The following EPHA8 variants were observed in gnomAD, a reference collection of about 807,000 sequenced individuals.
EPHA8 encodes the protein EPH receptor A8, also known as ephrin type-A receptor 8.
In EPHA8, 58 loss-of-function variants were observed where a neutral mutation model predicts 103.6. The ratio of observed to expected loss-of-function variants is 0.56; its 90% CI spans 0.45 to 0.70. The LOEUF is 0.70. Ranked by LOEUF, EPHA8 falls within the 30% of genes least tolerant of loss-of-function variation. The pLI is 0.00. For synonymous variants in EPHA8, 559 were observed against 572.5 expected, an observed-to-expected ratio of 0.98 and a Z score of 0.34; for missense variants, 1,304 against 1,395.2, an observed-to-expected ratio of 0.93 and a Z score of 1.04.
chr1:22,601,723 G>A lies in EPHA8; in HGVS notation c.3000G>A (p.Gly1000=). ...TMRAQLTSTQ[G]PRRHL ...GGGCCCAGCTGACCAGCACCCAGGG[G>A]CCCCGCCGGCACCTCTGATGTACAG... is the stretch of plus-strand genomic sequence containing the variant. Residue 1000 remains glycine, a synonymous_variant, in exon 17 of 17, where the codon GGG becomes GGA. Coordinates refer to ENST00000166244, the MANE Select transcript of EPHA8 (RefSeq NM_020526.5). 1 of 1,561,888 alleles carries A rather than the reference G, an allele frequency of 6.4e-7. No homozygotes were observed. Among genetic ancestry groups the A allele is most frequent in the Middle Eastern group, 1.7e-4 (1 of 5,744 alleles).
At chr1:22,593,770 T>G in intron 7 of EPHA8, 84 bp downstream of exon 7, 1 of 1,420,516 alleles carries the variant, frequency 7.0e-7, no homozygotes, top group Non-Finnish European at 9.3e-7. Flanking sequence ...AGAGAGCTAG[T>G]GCAGGCTGAG....
chr1:22,588,861 C>G lies in EPHA8; in HGVS notation c.980-10C>G. The G allele has an allele frequency of 1.3e-6, 2 of 1,570,334 alleles. No homozygotes were observed. The highest frequency in any genetic ancestry group is 1.2e-5 in the South Asian group (1 of 86,676). On this transcript the variant is annotated splice_polypyrimidine_tract_variant and intron_variant, in intron 4 of 16. Transcript: ENST00000166244. ...TAACCACTGCCCCATCTGTCATCCT[C>G]TGCCCTCAGGGCCACCCTCGGCACC...
chr1:22,591,387 G>GT (rs1641368397), intron 5 of EPHA8, among the ~76,000 whole-genome samples: 1 of 130,886 alleles, frequency 7.6e-6, no homozygotes, highest in Non-Finnish European at 1.5e-5. Flanking sequence ...CATGCCCAGT[G>GT]ATTTTTTTTT....
At position 22,597,522 on chromosome 1, in the gene EPHA8, G is replaced by A; in HGVS notation, c.1930+46G>A. 1.3e-6 allele frequency: 2 copies of A among 1,593,820 alleles called. No homozygotes were observed. The highest frequency in any genetic ancestry group is 1.7e-6 in the Non-Finnish European group (2 of 1,168,832). Reference sequence around the variant, plus strand: ...GGGCGGGGCCAGCATGGGGCAAGGTGGGGGCACCCAGGGCAAGGTGGGGGC... The same window carrying A: ...GGGCGGGGCCAGCATGGGGCAAGGTAGGGGCACCCAGGGCAAGGTGGGGGC... On this transcript the variant is annotated intron_variant, in intron 10 of 16. Transcript: ENST00000166244. The surrounding 1 kb of genome is among the most constrained non-coding windows in gnomAD (Gnocchi z 4.6).
Position 22,601,821 on chromosome 1 carries a change from C to A in EPHA8, c.*80C>A. The A allele has an allele frequency of 7.3e-7, 1 of 1,362,118 alleles. No individual in the cohort carries two copies. The highest frequency in any genetic ancestry group is 1.0e-6 in the Non-Finnish European group (1 of 990,766). The allele number at this position is 1,362,118 out of a possible 1,614,324, so 84.4% of individuals were successfully genotyped here. On this transcript the variant is annotated 3_prime_UTR_variant, in exon 17 of 17. Transcript: ENST00000166244. The stretch of plus-strand genomic sequence containing the variant: ...GGCAGAGGACGTGAGGGGCTGGCAG[C>A]AGGCAGGGCGGCCCCAGGCCTCTGC...
At chr1:22,587,975 C>A (rs1641263345) in intron 4 of EPHA8, among the ~76,000 whole-genome samples, 1 of 152,216 alleles carries the variant, frequency 6.6e-6, no homozygotes, top group South Asian at 2.1e-4. Flanking sequence ...GTCATGGACA[C>A]TTGCGTGAAG....
At chr1:22,591,275 A>C (rs1350800306) in intron 5 of EPHA8, among the ~76,000 whole-genome samples, 2 of 152,074 alleles carry the variant, frequency 1.3e-5, no homozygotes, top group Admixed American at 1.3e-4. Context: ...CCCATGCTGG[A>C]GTGTGGTGGC....
rs777255535 is a variant in EPHA8 at position 22,576,503 on chromosome 1, C to T, written c.446C>T (p.Ala149Val). ...ESQFLKIDTI[A>V]ADESFTGADL... The stretch of plus-strand genomic sequence containing the variant: ...CAGTTCCTCAAAATCGACACCATTG[C>T]GGCCGACGAGAGCTTCACAGGTGCC... The change falls in exon 3 of 17, where the codon GCG becomes GTG. Residue 149 changes from alanine (A) to valine (V), a missense_variant. By Grantham distance (64) the Ala-to-Val change is moderately conservative. Transcript: ENST00000166244. This position sits in a 1 kb window ranked among gnomAD's most constrained non-coding sequence, Gnocchi z 4.8. 12 of 1,614,148 alleles carry T rather than the reference C, an allele frequency of 7.4e-6. No homozygotes were observed. The highest frequency in any genetic ancestry group is 7.6e-6 in the Non-Finnish European group (9 of 1,180,036).
Position 22,585,450 on chromosome 1 carries a change from A to G in EPHA8, c.824-1030A>G, listed in dbSNP as rs566941644. ...TTATTCTTTAGGCCACAACTCAAAT[A>G]TCATCTCCTCCTCTGGGAAGTAGCT... On this transcript the variant is annotated intron_variant, in intron 3 of 16. Transcript: ENST00000166244. Among the ~76,000 whole-genome samples the G allele has an allele frequency of 2.0e-5, 3 of 152,218 alleles. No homozygotes were observed. The South Asian group carries it at 6.2e-4, about 32-fold the overall frequency.
At chr1:22,596,251 A>G (rs1318622274) in intron 9 of EPHA8, 78 bp downstream of exon 9, 1 of 1,427,712 alleles carries the variant, frequency 7.0e-7, no homozygotes, top group African/African-American at 1.4e-5. Flanking sequence ...GGTGGCACAG[A>G]TGGGAAGGAG....
Position 22,569,422 on chromosome 1 carries a change from T to C in EPHA8, c.159+69T>C. On this transcript the variant is annotated intron_variant, in intron 2 of 16. Transcript: ENST00000166244. This position sits in a 1 kb window ranked among gnomAD's most constrained non-coding sequence, Gnocchi z 4.5. ...GAGAGAGGCTGCCACTCACAGAGTC[T>C]GCATGAGATAGATCAAAAGGAAGCA... 1 of 1,478,514 alleles carries C rather than the reference T, an allele frequency of 6.8e-7. No individual in the cohort carries two copies. 91.6% of individuals were successfully genotyped at this position (1,478,514 alleles called of 1,614,324 possible).
At position 22,592,609 on chromosome 1, in the gene EPHA8, T is replaced by G. The variant is rs562760475; in HGVS notation, c.1316-717T>G. Among the ~76,000 whole-genome samples the G allele has an allele frequency of 2.0e-5, 3 of 152,260 alleles. No homozygotes were observed. The South Asian group carries it at 6.2e-4, about 32-fold the overall frequency. On this transcript the variant is annotated intron_variant, in intron 5 of 16. Transcript: ENST00000166244. The stretch of plus-strand genomic sequence containing the variant: ...AGGGAGCTCCCGGTTGTGCTGGGGA[T>G]GCCCAGACATGAGGGAAGACTTAGT...
chr1:22,597,856 C>T lies in EPHA8; in HGVS notation c.2111C>T (p.Thr704Ile). ...PNIIRLEGVVTRGRLAMIVTE... is the reference protein window; with the variant it reads ...PNIIRLEGVVIRGRLAMIVTE... ...ATCATCCGCCTCGAGGGTGTCGTCA[C>T]CCGTGGTAGGTGCCGGGCAAAGACA... Residue 704 changes from threonine (T) to isoleucine (I), a missense_variant, in exon 11 of 17, where the codon ACC (threonine) becomes ATC (isoleucine). Physicochemically the swap from Thr to Ile is moderately conservative, Grantham distance 89. Coordinates refer to ENST00000166244, the MANE Select transcript of EPHA8 (RefSeq NM_020526.5). This position sits in a 1 kb window ranked among gnomAD's most constrained non-coding sequence, Gnocchi z 4.6. The T allele has an allele frequency of 1.2e-6, 2 of 1,607,540 alleles. No individual in the cohort carries two copies. Among genetic ancestry groups the T allele is most frequent in the Non-Finnish European group, 1.7e-6 (2 of 1,176,666 alleles).
In EPHA8 at chr1:22,580,286, C is replaced by T. The variant is rs186721446; in HGVS notation, c.823+3406C>T. On this transcript the variant is annotated intron_variant, in intron 3 of 16. Transcript: ENST00000166244. Reference sequence around the variant, plus strand: ...CCCGAGTAGCTAGAATTACAGGTGCCCGCCACCACGCCCAGCTAATTTTTG... The same window carrying T: ...CCCGAGTAGCTAGAATTACAGGTGCTCGCCACCACGCCCAGCTAATTTTTG... 7.2e-4 allele frequency among the ~76,000 whole-genome samples: 109 copies of T among 151,742 alleles called. 1 individual carries two copies. Among genetic ancestry groups the T allele is most frequent in the African/African-American group, 2.5e-3 (105 of 41,368 alleles).
chr1:22,571,497 G>A (rs542555280), intron 2 of EPHA8, among the ~76,000 whole-genome samples: 8 of 152,248 alleles, frequency 5.3e-5, no homozygotes, highest in African/African-American at 1.9e-4. Context: ...CGCCACCTTC[G>A]AACTGCAGGC....
At chr1:22,587,163 G>A (rs1641235836) in intron 4 of EPHA8, among the ~76,000 whole-genome samples, 1 of 152,260 alleles carries the variant, frequency 6.6e-6, no homozygotes, top group African/African-American at 2.4e-5. Context: ...GTGATTGTGT[G>A]TTAGCGTGTG....
At position 22,602,040 on chromosome 1, in the gene EPHA8, C is replaced by G; in HGVS notation, c.*299C>G. The G allele has an allele frequency of 1.9e-6, 1 of 519,250 alleles. No individual in the cohort carries two copies. Among genetic ancestry groups the G allele is most frequent in the Admixed American group, 3.7e-5 (1 of 27,332 alleles). The allele number at this position is 519,250 out of a possible 1,614,324, so 32.2% of individuals were successfully genotyped here. Reference sequence around the variant, plus strand: ...CAACAGGGACATCACTCGCCTGCCTCTGTGTGCGTGCATGTGTGTGTGTGG... The same window carrying G: ...CAACAGGGACATCACTCGCCTGCCTGTGTGTGCGTGCATGTGTGTGTGTGG... On this transcript the variant is annotated 3_prime_UTR_variant, in exon 17 of 17. Transcript: ENST00000166244.
At position 22,602,318 on chromosome 1, in the gene EPHA8, A is replaced by G. The variant is rs866570947; in HGVS notation, c.*577A>G. 1.3e-5 allele frequency: 2 copies of G among 158,054 alleles called. No individual in the cohort carries two copies. The highest frequency in any genetic ancestry group is 2.4e-5 in the African/African-American group (1 of 41,416). The allele number at this position is 158,054 out of a possible 1,614,324, so 9.8% of individuals were successfully genotyped here. On this transcript the variant is annotated 3_prime_UTR_variant, in exon 17 of 17. Coordinates refer to ENST00000166244, the MANE Select transcript of EPHA8 (RefSeq NM_020526.5). Reference sequence around the variant, plus strand: ...GAGAGGCTCACCCCTACGTCCCCCCACACCTGGAGGCTGGAGCCAGGGGCC... The same window carrying G: ...GAGAGGCTCACCCCTACGTCCCCCCGCACCTGGAGGCTGGAGCCAGGGGCC...
intron 3 of EPHA8, among the ~76,000 whole-genome samples, chr1:22,577,907 ATGTG>A (rs1226393126): frequency 3.1e-5 from 1 of 32,392 alleles, no homozygotes; most frequent in African/African-American, 1.4e-4. Context: ...ATGTGTGTGT[ATGTG>A]TGCGTGAGTG....
Sources: gnomAD v4.1 joint callset for allele counts (sites outside exome capture counted in the v4.1 genomes callset) on GRCh38, gnomAD v4.1.1 for gene constraint, Gnocchi (gnomAD v3.1) non-coding constraint, MANE v1.5 for transcripts, NCBI Gene and HGNC (gene_info 2026-07-23, HGNC 2026-07-21) for gene names.